The following OPHN1 variants were observed in gnomAD, a reference collection of about 807,000 sequenced individuals.
OPHN1 encodes oligophrenin 1.
OPHN1 carries 11 observed loss-of-function variants against 60.7 expected under a neutral mutation model. The observed-to-expected ratio is 0.18, with a 90% CI of 0.11 to 0.30. The LOEUF is 0.30. Among genes scored for constraint, OPHN1 ranks in the 10% least tolerant of loss-of-function variants. OPHN1 has a pLI of 1.00. For missense variants in OPHN1, 449 were observed against 611.0 expected (o/e 0.73, Z 2.80); for synonymous variants, 226 against 222.6 (o/e 1.02, Z -0.14).
intron 3 of OPHN1, among the ~76,000 whole-genome samples, chrX:68,292,070 C>T (rs759063991): frequency 1.8e-5 from 2 of 111,721 alleles, no homozygotes; most frequent in African/African-American, 6.5e-5. Flanking sequence ...TTGCTTTCCA[C>T]AGTATGTTTT....
intron 2 of OPHN1, among the ~76,000 whole-genome samples, chrX:68,426,450 A>T (rs1484918715): frequency 9.8e-6 from 1 of 102,305 alleles, no homozygotes; most frequent in Non-Finnish European, 2.0e-5. Context: ...CAACAACAAC[A>T]AAAAAAACAT....
In OPHN1 at chrX:68,344,974, G is replaced by T. The variant is rs139837394; in HGVS notation, c.155-45878C>A. Among the ~76,000 whole-genome samples the T allele has an allele frequency of 5.9e-3, 659 of 111,711 alleles. 7 individuals are homozygous for T. Among genetic ancestry groups the T allele is most frequent in the African/African-American group, 0.02 (625 of 30,804 alleles). ...GTGCCAGAGACAACATAGGGACCCA[G>T]ATAGACAACATCCCTGCCCTCCTGG... On this transcript the variant is annotated intron_variant, in intron 2 of 24. Transcript: ENST00000355520.
At chrX:68,051,053 C>A (rs2076849760) in intron 23 of OPHN1, among the ~76,000 whole-genome samples, 1 of 111,748 alleles carries the variant, frequency 8.9e-6, no homozygotes, top group African/African-American at 3.3e-5. Flanking sequence ...GGCTCACTGA[C>A]AATCAGAGCT....
chrX:68,157,016 A>T (rs1377989867), intron 15 of OPHN1, among the ~76,000 whole-genome samples: 1 of 112,086 alleles, frequency 8.9e-6, no homozygotes, highest in African/African-American at 3.2e-5. Flanking sequence ...AAAAGGTAAA[A>T]ATTATGCCTT....
intron 2 of OPHN1, among the ~76,000 whole-genome samples, chrX:68,360,794 A>C (rs975282531): frequency 8.1e-5 from 9 of 111,020 alleles, no homozygotes; most frequent in Non-Finnish European, 1.1e-4. Flanking sequence ...ACCCAAAAAC[A>C]AACAAACAAA....
At chrX:68,391,827 G>A (rs2078654921) in intron 2 of OPHN1, among the ~76,000 whole-genome samples, 1 of 111,238 alleles carries the variant, frequency 9.0e-6, no homozygotes, top group South Asian at 3.8e-4. Context: ...TGGCCCACAA[G>A]CCAAGGATCG....
chrX:68,224,630 TAGA>T (rs1170226005), intron 6 of OPHN1, among the ~76,000 whole-genome samples: 4 of 112,672 alleles, frequency 3.6e-5, no homozygotes, highest in African/African-American at 1.3e-4. Context: ...TATAATAGAA[TAGA>T]AGAAAGATCT....
At chrX:68,212,253 T>G (rs1270769183) in intron 7 of OPHN1, 41 bp from the exon 8 acceptor site, 2 of 909,641 alleles carry the variant, frequency 2.2e-6, no homozygotes, top group African/African-American at 3.9e-5. Context: ...ACCAGCATCT[T>G]CTAATAAACT....
At chrX:68,183,881 T>G (rs7052964) in intron 15 of OPHN1, among the ~76,000 whole-genome samples, 22,401 of 111,476 alleles carry the variant, frequency 0.2, 1,762 homozygotes, top group African/African-American at 0.27. Context: ...AAAATTGTTT[T>G]TTACTCTACA....
intron 2 of OPHN1, among the ~76,000 whole-genome samples, chrX:68,310,024 A>G (rs1055912714): frequency 4.5e-5 from 5 of 112,318 alleles, no homozygotes; most frequent in African/African-American, 1.6e-4. Flanking sequence ...AGGTAAAACA[A>G]GTTTATGTAT....
chrX:68,418,657 C>T (rs772226245), intron 2 of OPHN1, among the ~76,000 whole-genome samples: 6 of 111,885 alleles, frequency 5.4e-5, no homozygotes, highest in Non-Finnish European at 1.1e-4. Flanking sequence ...CCCAACTTGC[C>T]ACACACTAGT....
intron 6 of OPHN1, 48 bp from the exon 7 acceptor site, chrX:68,214,020 G>T: frequency 1.3e-6 from 1 of 753,469 alleles, no homozygotes; most frequent in Non-Finnish European, 2.0e-6. Context: ...ATTCATTCAT[G>T]AAAGTCAGTA....
At chrX:68,179,422 A>C (rs987506817) in intron 15 of OPHN1, among the ~76,000 whole-genome samples, 10 of 112,126 alleles carry the variant, frequency 8.9e-5, no homozygotes, top group Non-Finnish European at 1.9e-4. Context: ...TAAAACATTT[A>C]TATTATGAAA....
intron 4 of OPHN1, among the ~76,000 whole-genome samples, chrX:68,281,672 T>A (rs752418442): frequency 3.0e-4 from 34 of 111,990 alleles, no homozygotes; most frequent in African/African-American, 9.1e-4. Flanking sequence ...CAAATGCCTA[T>A]TGGATAAAGG....
At chrX:68,071,887 C>T (rs767067928) in intron 20 of OPHN1, 11 of 286,575 alleles carry the variant, frequency 3.8e-5, no homozygotes, top group Admixed American at 5.1e-5. Flanking sequence ...TACTGGCTGC[C>T]GGGGAGAATG....
At chrX:68,208,364 A>G (rs2077569587) in intron 9 of OPHN1, among the ~76,000 whole-genome samples, 1 of 111,939 alleles carries the variant, frequency 8.9e-6, no homozygotes, top group Admixed American at 9.6e-5. Flanking sequence ...TGCTGGGATT[A>G]CAGGCATGAG....
At chrX:68,374,919 T>A (rs1444662471) in intron 2 of OPHN1, among the ~76,000 whole-genome samples, 1 of 112,019 alleles carries the variant, frequency 8.9e-6, no homozygotes. Flanking sequence ...CCAGTCAAGA[T>A]TCCACTTCAC....
At chrX:68,320,856 T>C (rs1205212133) in intron 2 of OPHN1, among the ~76,000 whole-genome samples, 1 of 111,613 alleles carries the variant, frequency 9.0e-6, no homozygotes, top group African/African-American at 3.3e-5. Context: ...ATTAATTTGA[T>C]AGAGCGGCTC....
intron 2 of OPHN1, among the ~76,000 whole-genome samples, chrX:68,339,757 C>T (rs1026710620): frequency 9.0e-6 from 1 of 110,846 alleles, no homozygotes; most frequent in Non-Finnish European, 1.9e-5. Context: ...CATGTGCCAC[C>T]GTGCCCAGCT....
Sources: allele counts gnomAD v4.1 joint callset (sites outside exome capture counted in the v4.1 genomes callset), GRCh38; gene constraint gnomAD v4.1.1; transcripts MANE v1.5; gene names NCBI Gene and HGNC (gene_info 2026-07-23, HGNC 2026-07-21).